CSMD1: variants seen among roughly 807,000 people sequenced by gnomAD.
CSMD1 encodes CUB and sushi domain-containing protein 1.
Under a neutral mutation model 417.5 loss-of-function variants are expected in CSMD1, and 213 were observed. The ratio of observed to expected loss-of-function variants is 0.51; its 90% CI spans 0.46 to 0.57. CSMD1 has a LOEUF of 0.57. CSMD1 is among the 20% of genes least tolerant of loss of function. CSMD1 has a pLI of 0.00. For synonymous variants in CSMD1, 2,862 were observed against 1,736.8 expected (o/e 1.65, Z -16.11); for missense variants, 6,923 against 4,529.7 (o/e 1.53, Z -15.17).
chr8:3,793,855 T>C (rs542316975), intron 5 of CSMD1, among the ~76,000 whole-genome samples: 4 of 152,302 alleles, frequency 2.6e-5, no homozygotes, highest in East Asian at 3.9e-4. Flanking sequence ...TCAATAAATA[T>C]TGACTGAGTG....
At chr8:4,406,927 G>A (rs145699329) in intron 3 of CSMD1, among the ~76,000 whole-genome samples, 1 of 152,150 alleles carries the variant, frequency 6.6e-6, no homozygotes, top group African/African-American at 2.4e-5. Context: ...TAAATAACAA[G>A]ACCAAGCTGA....
intron 3 of CSMD1, among the ~76,000 whole-genome samples, chr8:4,057,937 C>A (rs1465460010): frequency 2.0e-5 from 3 of 151,020 alleles, no homozygotes; most frequent in African/African-American, 7.3e-5. Context: ...GTTCCTGTAG[C>A]CTTGTAGCAT....
At chr8:3,002,429 T>A (rs1344469779) in intron 52 of CSMD1, among the ~76,000 whole-genome samples, 1 of 152,144 alleles carries the variant, frequency 6.6e-6, no homozygotes, top group African/African-American at 2.4e-5. Context: ...TCCCAGCCAT[T>A]TCTGAGGCGA....
In CSMD1 at chr8:4,477,424, G is replaced by C. The variant is rs543963666; in HGVS notation, c.303-57359C>G. 3.3e-5 allele frequency among the ~76,000 whole-genome samples: 5 copies of C among 152,302 alleles called. No homozygotes were observed. The South Asian group carries it at 1.0e-3, about 32-fold the overall frequency. ...GGGACTTGGTGCTGAGCAAAATTGG[G>C]GGGCTCAGAAACTGAGTCTGGTAAA... On this transcript the variant is annotated intron_variant, in intron 2 of 69. Transcript: ENST00000635120.
At chr8:3,098,021 C>A (rs1815450229) in intron 46 of CSMD1, among the ~76,000 whole-genome samples, 1 of 152,174 alleles carries the variant, frequency 6.6e-6, no homozygotes, top group Admixed American at 6.5e-5. Flanking sequence ...AAACAATCTG[C>A]AGAGATCTGG....
At chr8:3,439,036 T>A (rs1254614278) in intron 12 of CSMD1, among the ~76,000 whole-genome samples, 3 of 139,132 alleles carry the variant, frequency 2.2e-5, no homozygotes, top group Non-Finnish European at 4.5e-5. Context: ...GCAGGGAGAA[T>A]TGCTTCAATC....
At chr8:4,059,606 G>A (rs918945290) in intron 3 of CSMD1, among the ~76,000 whole-genome samples, 11 of 151,756 alleles carry the variant, frequency 7.2e-5, no homozygotes, top group African/African-American at 2.4e-4. Flanking sequence ...AATGATAAAG[G>A]GGATATCACC....
At chr8:4,337,552 G>C (rs535855236) in intron 3 of CSMD1, among the ~76,000 whole-genome samples, 2 of 152,058 alleles carry the variant, frequency 1.3e-5, no homozygotes, top group Non-Finnish European at 2.9e-5. Flanking sequence ...TAAACTCAGC[G>C]ATGAAGTACA....
intron 10 of CSMD1, among the ~76,000 whole-genome samples, chr8:3,534,749 G>C (rs540734241): frequency 3.3e-5 from 5 of 152,158 alleles, no homozygotes; most frequent in African/African-American, 1.2e-4. Context: ...TCCAGGTTGA[G>C]CATATGGCAT....
rs914052950 is a variant in CSMD1, at chr8:3,264,438, G to C, written c.4153+19706C>G. ...CCTTTTTGCCACACAAGTGTCAGGA[G>C]AATCTTATTTCTGTCAGTTTGAATC... On this transcript the variant is annotated intron_variant, in intron 26 of 69. Coordinates refer to ENST00000635120, the MANE Select transcript of CSMD1 (RefSeq NM_033225.6). 2.6e-5 allele frequency among the ~76,000 whole-genome samples: 4 copies of C among 152,150 alleles called. No individual in the cohort carries two copies. In the South Asian group the frequency reaches 8.3e-4, roughly 31 times the overall value.
intron 1 of CSMD1, among the ~76,000 whole-genome samples, chr8:4,795,494 T>A (rs7822091): frequency 6.6e-6 from 1 of 151,416 alleles, no homozygotes; most frequent in Non-Finnish European, 1.5e-5. Flanking sequence ...ATGGTCTCGA[T>A]ATCCTGACCT....
chr8:4,155,573 CTT>C (rs1331916942), intron 3 of CSMD1, among the ~76,000 whole-genome samples: 2 of 152,128 alleles, frequency 1.3e-5, no homozygotes, highest in African/African-American at 2.4e-5. Flanking sequence ...ACGTTCTTAT[CTT>C]TAAATTGTGA....
intron 50 of CSMD1, among the ~76,000 whole-genome samples, chr8:3,050,634 T>C (rs991870834): frequency 6.6e-6 from 1 of 152,172 alleles, no homozygotes; most frequent in Non-Finnish European, 1.5e-5. Context: ...TGCAATAAAA[T>C]AGTACCGTCT....
chr8:3,027,150 A>C (rs1397169452), intron 51 of CSMD1, among the ~76,000 whole-genome samples: 2 of 152,212 alleles, frequency 1.3e-5, no homozygotes, highest in African/African-American at 4.8e-5. Context: ...AGTAGATATA[A>C]GAATAAATTG....
intron 3 of CSMD1, among the ~76,000 whole-genome samples, chr8:4,063,684 C>A (rs1799097694): frequency 6.6e-6 from 1 of 152,184 alleles, no homozygotes; most frequent in Admixed American, 6.5e-5. Context: ...GAAGGATAAG[C>A]ATGGACCAGG....
intron 8 of CSMD1, among the ~76,000 whole-genome samples, chr8:3,596,458 C>G (rs1324116112): frequency 6.6e-6 from 1 of 152,142 alleles, no homozygotes; most frequent in Non-Finnish European, 1.5e-5. Context: ...ACGAGAGACT[C>G]AGAGGGCCCT....
chr8:4,105,504 T>C (rs940362096), intron 3 of CSMD1, among the ~76,000 whole-genome samples: 4 of 152,248 alleles, frequency 2.6e-5, no homozygotes, highest in Non-Finnish European at 4.4e-5. Flanking sequence ...GAGATGGTTC[T>C]AGGCTTCATT....
intron 2 of CSMD1, among the ~76,000 whole-genome samples, chr8:4,561,796 G>A (rs1457508714): frequency 1.3e-5 from 2 of 152,172 alleles, no homozygotes; most frequent in Non-Finnish European, 2.9e-5. Context: ...ACTTGATGAG[G>A]CAGAGGTTAT....
intron 5 of CSMD1, among the ~76,000 whole-genome samples, chr8:3,956,332 T>A (rs191261506): frequency 6.6e-5 from 10 of 152,302 alleles, no homozygotes; most frequent in African/African-American, 2.2e-4. Flanking sequence ...GGAAACTGAA[T>A]CAGCAAGATG....
Sources: gnomAD v4.1 joint callset for allele counts (sites outside exome capture counted in the v4.1 genomes callset) on GRCh38, gnomAD v4.1.1 for gene constraint, MANE v1.5 for transcripts, NCBI Gene and HGNC (gene_info 2026-07-23, HGNC 2026-07-21) for gene names.